The following SYN2 variants were observed in gnomAD, a reference collection of about 807,000 sequenced individuals.
SYN2 encodes synapsin-2.
In SYN2, 19 loss-of-function variants were observed where a neutral mutation model predicts 50.9. That is an observed-to-expected ratio of 0.37 (90% CI 0.26 to 0.55). The LOEUF is 0.55. Among genes scored for constraint, SYN2 ranks in the 20% least tolerant of loss-of-function variants. The pLI is 0.81. For synonymous variants in SYN2, 255 were observed against 224.9 expected (o/e 1.13, Z -1.20); for missense variants, 587 against 576.4 (o/e 1.02, Z -0.19).
At chr3:12,050,058 C>T (rs1169186308) in intron 1 of SYN2, among the ~76,000 whole-genome samples, 2 of 152,122 alleles carry the variant, frequency 1.3e-5, no homozygotes, top group African/African-American at 2.4e-5. Flanking sequence ...TGCCACCACG[C>T]CCGGCTAATT....
At chr3:12,078,518 A>G (rs1413509444) in intron 1 of SYN2, among the ~76,000 whole-genome samples, 2 of 152,214 alleles carry the variant, frequency 1.3e-5, no homozygotes, top group Non-Finnish European at 2.9e-5. Context: ...AATTTTCTGC[A>G]TATGGCTAGC....
At chr3:12,085,233 A>G (rs1479178685) in intron 1 of SYN2, among the ~76,000 whole-genome samples, 4 of 152,106 alleles carry the variant, frequency 2.6e-5, no homozygotes, top group Non-Finnish European at 5.9e-5. Flanking sequence ...CTATACTTAC[A>G]TCAGACAAAA....
intron 7 of SYN2, among the ~76,000 whole-genome samples, chr3:12,162,436 A>T (rs1574874788): frequency 6.6e-6 from 1 of 152,302 alleles, no homozygotes; most frequent in Middle Eastern, 3.4e-3. Flanking sequence ...ACTAAAGGTG[A>T]TTACTGATTT....
chr3:12,098,856 CAT>C lies in SYN2; in HGVS notation c.378-41771_378-41770del, dbSNP rs35420190. ...GTCACAAATAGGTTAAAAGCAAAAG[CAT>C]ATATATATATATATATATATATAAT... On this transcript the variant is annotated intron_variant, in intron 1 of 12. Coordinates refer to ENST00000621198, the MANE Select transcript of SYN2 (RefSeq NM_133625.6). 8.9e-3 allele frequency among the ~76,000 whole-genome samples: 1,183 copies of C among 133,628 alleles called. 22 individuals are homozygous for C. Among genetic ancestry groups the C allele is most frequent in the African/African-American group, 0.022 (772 of 35,256 alleles). 87.7% of individuals were successfully genotyped at this position (133,628 alleles called of 152,430 possible).
chr3:12,037,875 G>A (rs949824579), intron 1 of SYN2, among the ~76,000 whole-genome samples: 11 of 152,146 alleles, frequency 7.2e-5, no homozygotes, highest in Middle Eastern at 6.8e-3. Context: ...TTTCACTTTG[G>A]TAGTGTTCTT....
chr3:12,177,411 A>T (rs1217064020), intron 10 of SYN2, among the ~76,000 whole-genome samples: 2 of 152,144 alleles, frequency 1.3e-5, no homozygotes, highest in East Asian at 3.8e-4. Flanking sequence ...AAGCCAAAAG[A>T]TTAGCCACCC....
intron 1 of SYN2, among the ~76,000 whole-genome samples, chr3:12,095,372 C>T (rs1695907270): frequency 1.4e-5 from 2 of 145,226 alleles, no homozygotes; most frequent in Non-Finnish European, 3.0e-5. Flanking sequence ...ACAGTGAAAC[C>T]TCGTCTCTAC....
At chr3:12,175,390 T>A (rs1030553042) in intron 10 of SYN2, among the ~76,000 whole-genome samples, 3 of 152,230 alleles carry the variant, frequency 2.0e-5, no homozygotes, top group Non-Finnish European at 4.4e-5. Flanking sequence ...AAGCCAGGAC[T>A]TTGCATAGCC....
chr3:12,006,094 A>C (rs142035546), intron 1 of SYN2, among the ~76,000 whole-genome samples: 28 of 151,318 alleles, frequency 1.9e-4, no homozygotes, highest in African/African-American at 6.6e-4. Context: ...ATTTCTCTCC[A>C]TTTCCTCTTT....
At chr3:12,087,279 G>A (rs308974) in intron 1 of SYN2, among the ~76,000 whole-genome samples, 140,570 of 152,238 alleles carry the variant, frequency 0.92, 64,939 homozygotes, top group East Asian at 1. Context: ...TAAAATATCT[G>A]TATTACCCAA....
intron 1 of SYN2, among the ~76,000 whole-genome samples, chr3:12,026,015 G>A (rs952082077): frequency 2.6e-5 from 4 of 152,134 alleles, no homozygotes; most frequent in Admixed American, 1.3e-4. Context: ...GATAGAAAGA[G>A]CTTATAGGTG....
intron 1 of SYN2, among the ~76,000 whole-genome samples, chr3:12,087,770 T>C (rs1444398039): frequency 6.6e-6 from 1 of 151,926 alleles, no homozygotes; most frequent in African/African-American, 2.4e-5. Flanking sequence ...TCCCAAAAAG[T>C]AACCCATGCG....
intron 1 of SYN2, among the ~76,000 whole-genome samples, chr3:12,069,401 A>G (rs1213722874): frequency 2.0e-5 from 3 of 152,056 alleles, no homozygotes. Context: ...GGCACATGCC[A>G]CCACGTGTGG....
rs1302875731 is a variant in SYN2 at position 12,158,521 on chromosome 3, G to A, written c.775-3025G>A. 3.7e-6 allele frequency: 3 copies of A among 815,642 alleles called. No individual in the cohort carries two copies. The African/African-American group carries it at 5.3e-5, about 14-fold the overall frequency. The allele number at this position is 815,642 out of a possible 1,614,324, so 50.5% of individuals were successfully genotyped here. A position where few individuals can be genotyped will look rare whatever the true frequency, so the allele number is the denominator to read the frequency against. ...TCTTCATTTCCTTATGAATCAGTCAGGTTCTGGGCTTGCAAGGTTGCTATG... is the reference window on the plus strand; with the variant it reads ...TCTTCATTTCCTTATGAATCAGTCAAGTTCTGGGCTTGCAAGGTTGCTATG... On this transcript the variant is annotated intron_variant, in intron 5 of 12. Coordinates refer to ENST00000621198, the MANE Select transcript of SYN2 (RefSeq NM_133625.6).
At chr3:12,141,761 G>C in intron 2 of SYN2, 144 bp from the exon 3 acceptor site, 1 of 617,574 alleles carries the variant, frequency 1.6e-6, no homozygotes, top group Non-Finnish European at 3.0e-6. Flanking sequence ...TCACAGTGTT[G>C]CTATTAGAAT....
At chr3:12,153,569 C>T (rs1039161580) in intron 5 of SYN2, 1 of 1,614,132 alleles carries the variant, frequency 6.2e-7, no homozygotes, top group Non-Finnish European at 8.5e-7. Context: ...GGCCCCGGTA[C>T]CAGCTGCAGG....
At chr3:12,107,769 A>G (rs906410772) in intron 1 of SYN2, among the ~76,000 whole-genome samples, 3 of 152,072 alleles carry the variant, frequency 2.0e-5, no homozygotes, top group Admixed American at 6.6e-5. Flanking sequence ...GAGGAGCAAT[A>G]TGACTTACTC....
intron 1 of SYN2, among the ~76,000 whole-genome samples, chr3:12,035,252 G>C (rs1694473234): frequency 6.6e-6 from 1 of 152,232 alleles, no homozygotes; most frequent in African/African-American, 2.4e-5. Context: ...GCCTCAAGCA[G>C]CCCTGCCCCC....
intron 1 of SYN2, among the ~76,000 whole-genome samples, chr3:12,019,482 GA>G (rs1694087051): frequency 6.6e-6 from 1 of 152,146 alleles, no homozygotes; most frequent in Non-Finnish European, 1.5e-5. Flanking sequence ...AGAGGAAAAG[GA>G]AAAGTATTCT....
Sources: gnomAD v4.1 joint callset for allele counts (sites outside exome capture counted in the v4.1 genomes callset) on GRCh38, gnomAD v4.1.1 for gene constraint, MANE v1.5 for transcripts, NCBI Gene and HGNC (gene_info 2026-07-23, HGNC 2026-07-21) for gene names.